The following PLXNA4 variants were observed in gnomAD, a reference collection of about 807,000 sequenced individuals.
PLXNA4 encodes the protein plexin-A4.
A neutral mutation model predicts 191.8 loss-of-function variants in PLXNA4; 44 were observed. The ratio of observed to expected loss-of-function variants is 0.23; its 90% CI spans 0.18 to 0.29. PLXNA4 has a LOEUF of 0.29. Among genes scored for constraint, PLXNA4 ranks in the 10% least tolerant of loss-of-function variants. PLXNA4 has a pLI of 1.00. For synonymous variants in PLXNA4, 1,082 were observed against 1,009.5 expected (o/e 1.07, Z -1.36); for missense variants, 1,800 against 2,488.8 (o/e 0.72, Z 5.89).
intron 4 of PLXNA4, among the ~76,000 whole-genome samples, chr7:132,257,617 G>A (rs1190889645): frequency 6.6e-6 from 1 of 152,336 alleles, no homozygotes; most frequent in African/African-American, 2.4e-5. Flanking sequence ...TTGGGGCCAA[G>A]GGTATGGTCT....
intron 30 of PLXNA4, among the ~76,000 whole-genome samples, chr7:132,134,864 C>T (rs574933644): frequency 1.3e-5 from 2 of 152,268 alleles, no homozygotes; most frequent in South Asian, 4.1e-4. Flanking sequence ...TTTCATTTTG[C>T]TTTCTTTGCT....
intron 3 of PLXNA4, among the ~76,000 whole-genome samples, chr7:132,413,285 T>G (rs759195863): frequency 1.3e-5 from 2 of 152,138 alleles, no homozygotes; most frequent in Non-Finnish European, 2.9e-5. Flanking sequence ...GGGTCTTTCC[T>G]TCCTTCCCTG....
At chr7:132,473,236 A>C (rs114546572) in intron 3 of PLXNA4, among the ~76,000 whole-genome samples, 27 of 152,302 alleles carry the variant, frequency 1.8e-4, no homozygotes, top group Non-Finnish European at 3.4e-4. Context: ...CTACCTCTGC[A>C]TGGCTCTGAA....
intron 3 of PLXNA4, among the ~76,000 whole-genome samples, chr7:132,363,393 C>A (rs1177216358): frequency 6.6e-6 from 1 of 152,212 alleles, no homozygotes; most frequent in Non-Finnish European, 1.5e-5. Flanking sequence ...CTTCCTATCT[C>A]TAGGAGTTTG....
intron 3 of PLXNA4, among the ~76,000 whole-genome samples, chr7:132,366,640 G>C (rs1804199184): frequency 6.6e-6 from 1 of 152,210 alleles, no homozygotes. Flanking sequence ...AGGAATGACT[G>C]ATGTTGCAGA....
Position 132,508,364 on chromosome 7 carries a change from G to T in PLXNA4, c.330C>A (p.Thr110=). ...IVQTCNEPLT[T]TNNVNKMLLI... is the part of the protein sequence containing the mutation. ...GGAGCATCTTGTTGACATTGTTGGT[G>T]GTGGTCAGGGGCTCATTGCAGGTCT... Residue 110 remains threonine, a synonymous_variant, in exon 2 of 32, where the codon ACC becomes ACA. Coordinates refer to ENST00000321063, the MANE Select transcript of PLXNA4 (RefSeq NM_020911.2). The surrounding 1 kb of genome is among the most constrained non-coding windows in gnomAD (Gnocchi z 4.4). 1 of 1,614,198 alleles carries T rather than the reference G, an allele frequency of 6.2e-7. No individual in the cohort carries two copies.
intron 3 of PLXNA4, among the ~76,000 whole-genome samples, chr7:132,394,263 A>C (rs1468386611): frequency 2.0e-5 from 3 of 152,110 alleles, no homozygotes; most frequent in African/African-American, 7.2e-5. Flanking sequence ...CGAGACACCC[A>C]AGCCGATTTG....
chr7:132,136,831 C>T (rs539629662), intron 30 of PLXNA4, among the ~76,000 whole-genome samples: 7 of 152,312 alleles, frequency 4.6e-5, no homozygotes, highest in African/African-American at 1.7e-4. Context: ...TATTTCCAGC[C>T]TGATGCTCTG....
At position 132,409,271 on chromosome 7, in the gene PLXNA4, G is replaced by C. The variant is rs968315648; in HGVS notation, c.1371+80021C>G. ...GGCCCTAGCTGGAGCTGACCTTCCAGGGTACTGCAGTAGATGGCTTGGTGG... is the reference window on the plus strand; with the variant it reads ...GGCCCTAGCTGGAGCTGACCTTCCACGGTACTGCAGTAGATGGCTTGGTGG... On this transcript the variant is annotated intron_variant, in intron 3 of 31. Transcript: ENST00000321063. Among the ~76,000 whole-genome samples, 6 of 152,306 alleles carry C rather than the reference G, an allele frequency of 3.9e-5. No individual in the cohort carries two copies. In the East Asian group the frequency reaches 1.2e-3, roughly 29 times the overall value.
chr7:132,294,654 A>T (rs980069287), intron 4 of PLXNA4, among the ~76,000 whole-genome samples: 1 of 152,204 alleles, frequency 6.6e-6, no homozygotes, highest in Admixed American at 6.5e-5. Context: ...CATATTCTGG[A>T]AACATTTTGT....
At chr7:132,281,387 A>G (rs1479576991) in intron 4 of PLXNA4, among the ~76,000 whole-genome samples, 1 of 152,222 alleles carries the variant, frequency 6.6e-6, no homozygotes, top group Non-Finnish European at 1.5e-5. Flanking sequence ...GATGTCAATC[A>G]GCTCTTGGAA....
intron 3 of PLXNA4, among the ~76,000 whole-genome samples, chr7:132,438,796 T>A (rs1346797669): frequency 6.6e-6 from 1 of 152,120 alleles, no homozygotes; most frequent in Non-Finnish European, 1.5e-5. Context: ...TCTAATAGCT[T>A]TTTTTTTCAA....
At chr7:132,419,483 A>G (rs956291775) in intron 3 of PLXNA4, among the ~76,000 whole-genome samples, 1 of 152,250 alleles carries the variant, frequency 6.6e-6, no homozygotes, top group African/African-American at 2.4e-5. Context: ...AATTCAGCTC[A>G]TGACTGAGAA....
At chr7:132,421,050 A>C (rs1794833954) in intron 3 of PLXNA4, among the ~76,000 whole-genome samples, 1 of 152,202 alleles carries the variant, frequency 6.6e-6, no homozygotes, top group South Asian at 2.1e-4. Context: ...GAACTTTTTC[A>C]TCTTCCCAAA....
rs1563048449 is a variant in PLXNA4, at chr7:132,132,483, C to CTTTCTATTCTATTCTATTCTAT, written c.5589+565_5589+566insATAGAATAGAATAGAATAGAAA. Among the ~76,000 whole-genome samples, 3 of 80,788 alleles carry CTTTCTATTCTATTCTATTCTAT rather than the reference C, an allele frequency of 3.7e-5. 1 individual carries two copies. Among genetic ancestry groups the CTTTCTATTCTATTCTATTCTAT allele is most frequent in the African/African-American group, 1.4e-4 (3 of 22,042 alleles). 53.0% of individuals were successfully genotyped at this position (80,788 alleles called of 152,430 possible). A position where few individuals can be genotyped will look rare whatever the true frequency, so the allele number is the denominator to read the frequency against. On this transcript the variant is annotated intron_variant, in intron 31 of 31. Coordinates refer to ENST00000321063, the MANE Select transcript of PLXNA4 (RefSeq NM_020911.2). Reference sequence around the variant, plus strand: ...TTCTGTTCTGCTCTGCTCTGCTCTGCTCTGCTCTATTCTTTTCTATTCTAT... The same window carrying CTTTCTATTCTATTCTATTCTAT: ...TTCTGTTCTGCTCTGCTCTGCTCTGCTTTCTATTCTATTCTATTCTATTCTGCTCTATTCTTTTCTATTCTAT...
intron 3 of PLXNA4, among the ~76,000 whole-genome samples, chr7:132,340,379 G>A (rs1362340605): frequency 6.6e-6 from 1 of 152,226 alleles, no homozygotes; most frequent in Non-Finnish European, 1.5e-5. Context: ...AGGCAACCAA[G>A]CCTGGTCCAC....
At chr7:132,402,765 A>G (rs540817190) in intron 3 of PLXNA4, among the ~76,000 whole-genome samples, 2 of 152,326 alleles carry the variant, frequency 1.3e-5, no homozygotes, top group East Asian at 1.9e-4. Context: ...CACCTCCTAC[A>G]TTATTACCAC....
In PLXNA4 at chr7:132,165,152, G is replaced by A. The variant is rs748546515; in HGVS notation, c.4335C>T (p.Leu1445=). 7 of 1,613,538 alleles carry A rather than the reference G, an allele frequency of 4.3e-6. No homozygotes were observed. In the South Asian group the frequency reaches 7.7e-5, roughly 18 times the overall value. ...ACCCTACCTTGAGGAACTTGTAGAG[G>A]AGGAAAGTAAACCAATTGGTCAGCA... ...EKMLTNWFTF[L]LYKFLKECAG... The change falls in exon 23 of 32, where the codon CTC becomes CTT. Residue 1445 remains leucine, a synonymous_variant. Coordinates refer to ENST00000321063, the MANE Select transcript of PLXNA4 (RefSeq NM_020911.2).
chr7:132,323,738 A>G (rs1353745768), intron 3 of PLXNA4, among the ~76,000 whole-genome samples: 1 of 152,172 alleles, frequency 6.6e-6, no homozygotes, highest in Non-Finnish European at 1.5e-5. Flanking sequence ...CCCAAGATTG[A>G]GAAACCTGTG....
Sources: gnomAD v4.1 joint callset for allele counts (sites outside exome capture counted in the v4.1 genomes callset) on GRCh38, gnomAD v4.1.1 for gene constraint, Gnocchi (gnomAD v3.1) non-coding constraint, MANE v1.5 for transcripts, NCBI Gene and HGNC (gene_info 2026-07-23, HGNC 2026-07-21) for gene names.